Variants in OR10R2 observed in about 807,000 individuals in gnomAD.
OR10R2 encodes olfactory receptor family 10 subfamily R member 2.
OR10R2 carries 1 observed loss-of-function variant against 2.4 expected under a neutral mutation model. The ratio of observed to expected loss-of-function variants is 0.41; its 90% CI spans 0.15 to 1.95. The LOEUF (loss-of-function observed/expected upper bound fraction) is 1.95, where lower values mean the gene tolerates loss of function less well. OR10R2 is among the 30% of genes most tolerant of loss of function. The probability of loss-of-function intolerance (pLI) is 0.30; values close to 1 mark genes in which losing one functional copy is unlikely to be tolerated. For synonymous variants in OR10R2, 166 were observed against 144.8 expected, an observed-to-expected ratio of 1.15 and a Z score of -1.05; for missense variants, 419 against 373.0, an observed-to-expected ratio of 1.12 and a Z score of -1.01.
intron 1 of OR10R2, among the ~76,000 whole-genome samples, chr1:158,476,243 A>AT (rs1297848815): frequency 2.0e-5 from 3 of 151,996 alleles, no homozygotes; most frequent in Admixed American, 6.6e-5. Context: ...GGTTTTCTAT[A>AT]TTTTTTAAAA....
At position 158,480,235 on chromosome 1, in the gene OR10R2, C is replaced by A. The variant is rs759019928; in HGVS notation, c.325C>A (p.Gln109Lys). 5 of 1,613,828 alleles carry A rather than the reference C, an allele frequency of 3.1e-6. No homozygotes were observed. In the East Asian group the frequency reaches 8.9e-5, roughly 29 times the overall value. ...AATCTCCTTCAACTGTTGTGCTCTT[C>A]AAATGTTCTTCTTCCTTGGTTTTGC... Residue 109 changes from glutamine to lysine, a missense_variant, in exon 2 of 2, where the codon CAA becomes AAA. Transcript: ENST00000641067.
intron 1 of OR10R2, among the ~76,000 whole-genome samples, chr1:158,477,793 C>A (rs1209257865): frequency 6.6e-6 from 1 of 151,946 alleles, no homozygotes; most frequent in Non-Finnish European, 1.5e-5. Flanking sequence ...TCAGAATTAG[C>A]AAAACTATTA....
chr1:158,479,781 C>T lies in OR10R2; in HGVS notation c.28-157C>T. On this transcript the variant is annotated intron_variant, in intron 1 of 1. Transcript: ENST00000641067. ...GACTTTGAAGATGGAAGAAGAGGACCATGAACCAATGAACATGAGAGGTAG... is the reference window on the plus strand; with the variant it reads ...GACTTTGAAGATGGAAGAAGAGGACTATGAACCAATGAACATGAGAGGTAG... 4.2e-6 allele frequency: 3 copies of T among 706,788 alleles called. No individual in the cohort carries two copies. The South Asian group carries it at 5.5e-5, about 13-fold the overall frequency. The allele number at this position is 706,788 out of a possible 1,614,324, so 43.8% of individuals were successfully genotyped here. A position where few individuals can be genotyped will look rare whatever the true frequency, so the allele number is the denominator to read the frequency against.
intron 1 of OR10R2, among the ~76,000 whole-genome samples, chr1:158,474,298 C>A (rs1008203450): frequency 2.6e-5 from 4 of 152,062 alleles, no homozygotes; most frequent in Non-Finnish European, 4.4e-5. Flanking sequence ...GGAAAATAAT[C>A]TCCTCCAATT....
chr1:158,475,335 G>A (rs1197318562), intron 1 of OR10R2, among the ~76,000 whole-genome samples: 1 of 151,944 alleles, frequency 6.6e-6, no homozygotes, highest in Non-Finnish European at 1.5e-5. Context: ...ATATATTCAA[G>A]GATGTAGATA....
Position 158,472,252 on chromosome 1 carries a change from G to A in OR10R2, c.-74G>A, listed in dbSNP as rs115375307. On this transcript the variant is annotated 5_prime_UTR_variant, in exon 1 of 2. In the 5' UTR this introduces an upstream ATG that the reference lacks. Transcript: ENST00000641067. ...TTACCAAGCAGGCATTGATGCTAAT[G>A]TGAACCAGAAAAAAAGCTCCTTAAT... The A allele has an allele frequency of 3.5e-3, 1,400 of 398,864 alleles. 24 individuals are homozygous for A. Among genetic ancestry groups the A allele is most frequent in the African/African-American group, 0.026 (1,253 of 48,728 alleles). The allele number at this position is 398,864 out of a possible 1,614,324, so 24.7% of individuals were successfully genotyped here.
intron 1 of OR10R2, among the ~76,000 whole-genome samples, chr1:158,476,925 T>C (rs1275419658): frequency 1.3e-5 from 2 of 152,100 alleles, no homozygotes; most frequent in Non-Finnish European, 2.9e-5. Context: ...TAAAATGGGG[T>C]TTATTGTTTT....
intron 1 of OR10R2, among the ~76,000 whole-genome samples, chr1:158,477,813 T>C (rs1010185869): frequency 1.3e-5 from 2 of 152,100 alleles, no homozygotes; most frequent in African/African-American, 4.8e-5. Context: ...ATAAAATTCA[T>C]ATGAAACCAA....
At chr1:158,473,079 C>T (rs1205115872) in intron 1 of OR10R2, among the ~76,000 whole-genome samples, 2 of 152,162 alleles carry the variant, frequency 1.3e-5, no homozygotes, top group African/African-American at 4.8e-5. Flanking sequence ...AAATTTTTAT[C>T]TAGCTTCCTT....
At chr1:158,475,272 T>C (rs1031881008) in intron 1 of OR10R2, among the ~76,000 whole-genome samples, 2 of 152,118 alleles carry the variant, frequency 1.3e-5, no homozygotes. Flanking sequence ...TTTTTACATA[T>C]AAATCTCTAT....
At chr1:158,472,725 T>C (rs1656187006) in intron 1 of OR10R2, among the ~76,000 whole-genome samples, 1 of 152,118 alleles carries the variant, frequency 6.6e-6, no homozygotes, top group African/African-American at 2.4e-5. Context: ...CAGCAAAGGA[T>C]TGGAAGGTGG....
At chr1:158,472,633 G>A (rs1656185742) in intron 1 of OR10R2, among the ~76,000 whole-genome samples, 1 of 152,180 alleles carries the variant, frequency 6.6e-6, no homozygotes, top group South Asian at 2.1e-4. Context: ...TTTTAAAGAT[G>A]TTAGCTAGTT....
chr1:158,480,831 A>C (rs1481392174), exon 2 of OR10R2: 3 of 1,598,384 alleles, frequency 1.9e-6, no homozygotes, highest in Admixed American at 3.5e-5. Flanking sequence ...AGGATGTCCA[A>C]CTTGCTATCA....
In OR10R2 at chr1:158,472,783, A is replaced by G. The variant is rs183443153; in HGVS notation, c.27+431A>G. On this transcript the variant is annotated intron_variant, in intron 1 of 1. Transcript: ENST00000641067. ...GGCAGATAAAATAATGCTCAAGTTG[A>G]GATCTTAAGGTCAAGAAAAAAGAAC... is the stretch of plus-strand genomic sequence containing the variant. 2.1e-3 allele frequency among the ~76,000 whole-genome samples: 321 copies of G among 152,322 alleles called. 3 individuals carry two copies. The highest frequency in any genetic ancestry group is 0.01 in the Middle Eastern group (3 of 294).
chr1:158,478,134 T>A (rs1656306435), intron 1 of OR10R2, among the ~76,000 whole-genome samples: 1 of 152,118 alleles, frequency 6.6e-6, no homozygotes, highest in Non-Finnish European at 1.5e-5. Flanking sequence ...CCCTCACTTT[T>A]CACCATATAC....
chr1:158,480,401 C>T, exon 2 of OR10R2: 2 of 1,614,108 alleles, frequency 1.2e-6, no homozygotes, highest in Non-Finnish European at 1.7e-6. Flanking sequence ...GGCTTCTTGG[C>T]CTCTCTTACA....
chr1:158,474,472 A>G (rs1656233698), intron 1 of OR10R2: 2 of 152,210 alleles, frequency 1.3e-5, no homozygotes, highest in African/African-American at 4.8e-5. Context: ...GTCATAAGAT[A>G]TTTATTCTTT....
chr1:158,479,893 A>T (rs1471102030), intron 1 of OR10R2, 45 bp from the exon 2 acceptor site: 1 of 1,606,894 alleles, frequency 6.2e-7, no homozygotes, highest in African/African-American at 1.3e-5. Flanking sequence ...CCAAATTCTT[A>T]TATTCACATA....
At position 158,473,848 on chromosome 1, in the gene OR10R2, CCCTCCTTCCCTCTTTCCCTCTCTG is replaced by C. The variant is rs1417607417; in HGVS notation, c.27+1498_27+1521del. ...CTCTTTCCCTCTCTGCTTCCTCCCT[CCCTCCTTCCCTCTTTCCCTCTCTG>C]CTTCCTTCCTCCCTCCTTCCCTCTT... On this transcript the variant is annotated intron_variant, in intron 1 of 1. Transcript: ENST00000641067. Among the ~76,000 whole-genome samples, 501 of 134,672 alleles carry C rather than the reference CCCTCCTTCCCTCTTTCCCTCTCTG, an allele frequency of 3.7e-3. 13 individuals carry two copies. The highest frequency in any genetic ancestry group is 0.017 in the African/African-American group (473 of 28,596). The allele number at this position is 134,672 out of a possible 152,430, so 88.4% of individuals were successfully genotyped here.
Sources: gnomAD v4.1 joint callset for allele counts (sites outside exome capture counted in the v4.1 genomes callset) on GRCh38, gnomAD v4.1.1 for gene constraint, MANE v1.5 for transcripts, NCBI Gene and HGNC (gene_info 2026-07-23, HGNC 2026-07-21) for gene names.